Variants in UGT1A10 observed in about 807,000 individuals in gnomAD.
UGT1A10 encodes UDP-glucuronosyltransferase 1A10.
UGT1A10 carries 49 observed loss-of-function variants against 45.8 expected under a neutral mutation model. The ratio of observed to expected loss-of-function variants is 1.07; its 90% CI spans 0.85 to 1.36. UGT1A10 has a LOEUF of 1.36. Ranked by LOEUF, UGT1A10 falls within the 40% of genes most tolerant of loss-of-function variation. The pLI, the probability that UGT1A10 is intolerant of heterozygous loss-of-function variation, is 0.00. For missense variants in UGT1A10, 745 were observed against 668.6 expected (o/e 1.11, Z -1.26); for synonymous variants, 284 against 249.7 (o/e 1.14, Z -1.29).
chr2:233,717,714 T>G, intron 1 of UGT1A10: 2 of 453,348 alleles, frequency 4.4e-6, no homozygotes, highest in South Asian at 1.6e-5. Flanking sequence ...ACGAGCCTCA[T>G]GGGCATGAGA....
chr2:233,666,702 G>A (rs1425061485), intron 1 of UGT1A10, among the ~76,000 whole-genome samples: 2 of 151,680 alleles, frequency 1.3e-5, no homozygotes, highest in Non-Finnish European at 2.9e-5. Context: ...ACAATGTGCA[G>A]GTTAGTTACA....
intron 1 of UGT1A10, chr2:233,649,101 G>A (rs943986312): frequency 1.2e-6 from 1 of 806,102 alleles, no homozygotes; most frequent in Non-Finnish European, 1.7e-6. Flanking sequence ...ACGGAACTGG[G>A]ATTTGACATT....
intron 1 of UGT1A10, among the ~76,000 whole-genome samples, chr2:233,697,414 G>T (rs1199791419): frequency 3.3e-5 from 5 of 151,592 alleles, no homozygotes; most frequent in African/African-American, 1.2e-4. Context: ...TGTGGTGTCA[G>T]TTGCTGTGTT....
intron 1 of UGT1A10, among the ~76,000 whole-genome samples, chr2:233,727,564 G>A (rs1303726979): frequency 6.6e-6 from 1 of 152,214 alleles, no homozygotes; most frequent in Non-Finnish European, 1.5e-5. Flanking sequence ...CTCATCATGA[G>A]GGTGCTTAGG....
At chr2:233,724,520 T>A (rs200973045) in intron 1 of UGT1A10, among the ~76,000 whole-genome samples, 1 of 103,540 alleles carries the variant, frequency 9.7e-6, no homozygotes, top group African/African-American at 4.1e-5. Flanking sequence ...ACCTCCCAGA[T>A]GGGGTCTCGC....
chr2:233,690,817 A>G, intron 1 of UGT1A10: 1 of 1,076,340 alleles, frequency 9.3e-7, no homozygotes, highest in South Asian at 2.7e-5. Flanking sequence ...TAGTACAGTC[A>G]AAGCTCACAG....
chr2:233,655,616 C>CA (rs2073836783), intron 1 of UGT1A10, among the ~76,000 whole-genome samples: 2 of 151,784 alleles, frequency 1.3e-5, no homozygotes, highest in Non-Finnish European at 2.9e-5. Context: ...TGTGTTTCGC[C>CA]AAAAGAGTTT....
chr2:233,693,934 T>G, intron 1 of UGT1A10: 2 of 1,606,124 alleles, frequency 1.2e-6, no homozygotes, highest in Non-Finnish European at 1.7e-6. Flanking sequence ...CTCATTTGGC[T>G]CCTTGAGCCG....
In UGT1A10 at chr2:233,636,612, A is replaced by T; in HGVS notation, c.90A>T (p.Val30=). Residue 30 remains valine, a synonymous_variant, in exon 1 of 5, where the codon GTA becomes GTT. Coordinates refer to ENST00000344644, the MANE Select transcript of UGT1A10 (RefSeq NM_019075.4). ...TTGCCGAGGCAGGGAAGCTGCTGGTAGTGCCCATGGATGGGAGTCACTGGT... is the reference window on the plus strand; with the variant it reads ...TTGCCGAGGCAGGGAAGCTGCTGGTTGTGCCCATGGATGGGAGTCACTGGT... ...CGFAEAGKLL[V]VPMDGSHWFT... The T allele has an allele frequency of 1.2e-6, 2 of 1,614,110 alleles. No individual in the cohort carries two copies. The highest frequency in any genetic ancestry group is 2.2e-5 in the South Asian group (2 of 91,070).
At chr2:233,690,774 C>T (rs868693123) in intron 1 of UGT1A10, 3 of 1,062,396 alleles carry the variant, frequency 2.8e-6, no homozygotes, top group East Asian at 6.5e-5. Context: ...CACACACACA[C>T]ATACACACAC....
intron 1 of UGT1A10, among the ~76,000 whole-genome samples, chr2:233,728,414 C>A (rs186918599): frequency 1.4e-4 from 22 of 152,310 alleles, no homozygotes; most frequent in African/African-American, 4.8e-4. Flanking sequence ...CTTTAGATAG[C>A]AGCACCTCTT....
At chr2:233,670,555 C>T (rs1242726059) in intron 1 of UGT1A10, among the ~76,000 whole-genome samples, 2 of 151,542 alleles carry the variant, frequency 1.3e-5, no homozygotes, top group African/African-American at 4.9e-5. Context: ...TCTGGCATGG[C>T]TTCTTCTATG....
intron 1 of UGT1A10, among the ~76,000 whole-genome samples, chr2:233,728,858 C>G (rs1482684625): frequency 1.3e-5 from 2 of 152,126 alleles, no homozygotes; most frequent in Admixed American, 6.5e-5. Context: ...GGATGAGAAA[C>G]AAGAGCTTGA....
rs780660931 is a variant in UGT1A10, at chr2:233,767,955, A to C, written c.1075+19A>C. 173 of 1,614,006 alleles carry C rather than the reference A, an allele frequency of 1.1e-4. 2 individuals carry two copies. In the South Asian group the frequency reaches 1.6e-3, roughly 15 times the overall value. ...CTGCTTGGTATGTTGGGCGGATTGG[A>C]TGTATAGGTCAAACCAGGGTCAAAT... On this transcript the variant is annotated intron_variant, in intron 3 of 4. Coordinates refer to ENST00000344644, the MANE Select transcript of UGT1A10 (RefSeq NM_019075.4).
At chr2:233,767,735 C>A in intron 2 of UGT1A10, 114 bp from the exon 3 acceptor site, 2 of 1,569,354 alleles carry the variant, frequency 1.3e-6, no homozygotes, top group Non-Finnish European at 1.7e-6. Flanking sequence ...GATCCTCCCA[C>A]TCTGTTAAAG....
At chr2:233,748,342 C>G (rs117379305) in intron 1 of UGT1A10, among the ~76,000 whole-genome samples, 3 of 151,616 alleles carry the variant, frequency 2.0e-5, no homozygotes, top group African/African-American at 7.3e-5. Context: ...GGAGACTGTT[C>G]GTTTGTAAAG....
chr2:233,748,947 C>T (rs900612588), intron 1 of UGT1A10, among the ~76,000 whole-genome samples: 1 of 151,662 alleles, frequency 6.6e-6, no homozygotes. Context: ...CCCACCCTAT[C>T]CCACTCCAAG....
At chr2:233,677,174 T>G (rs1003773517) in intron 1 of UGT1A10, among the ~76,000 whole-genome samples, 7 of 152,196 alleles carry the variant, frequency 4.6e-5, no homozygotes, top group Non-Finnish European at 8.8e-5. Context: ...TCCAATTCAT[T>G]AACATATCTT....
chr2:233,679,549 T>C (rs1217700310), intron 1 of UGT1A10, among the ~76,000 whole-genome samples: 1 of 152,190 alleles, frequency 6.6e-6, no homozygotes, highest in Non-Finnish European at 1.5e-5. Context: ...TGTCATCTTT[T>C]TTTTTGTTTG....
Sources: gnomAD v4.1 joint callset for allele counts (sites outside exome capture counted in the v4.1 genomes callset) on GRCh38, gnomAD v4.1.1 for gene constraint, MANE v1.5 for transcripts, NCBI Gene and HGNC (gene_info 2026-07-23, HGNC 2026-07-21) for gene names.